The following SASH1 variants were observed in gnomAD, a reference collection of about 807,000 sequenced individuals.
SASH1 encodes SAM and SH3 domain containing 1, also known as SAM and SH3 domain-containing protein 1.
SASH1 carries 44 observed loss-of-function variants against 125.2 expected under a neutral mutation model. The ratio of observed to expected loss-of-function variants is 0.35; its 90% CI spans 0.28 to 0.45. The LOEUF (loss-of-function observed/expected upper bound fraction) is 0.45. Ranked by LOEUF, SASH1 falls within the 20% of genes least tolerant of loss-of-function variation. The pLI is 1.00. For missense variants in SASH1, 1,426 were observed against 1,614.5 expected, an observed-to-expected ratio of 0.88 and a Z score of 2.00; for synonymous variants, 639 against 649.1, an observed-to-expected ratio of 0.98 and a Z score of 0.24.
At position 148,534,897 on chromosome 6, in the gene SASH1, T is replaced by C. The variant is rs997862513; in HGVS notation, c.2091T>C (p.Tyr697=). The C allele has an allele frequency of 1.9e-6, 3 of 1,614,098 alleles. No individual in the cohort carries two copies. In the Admixed American group the frequency reaches 5.0e-5, roughly 27 times the overall value. The change falls in exon 16 of 20, where the codon TAT becomes TAC. Residue 697 remains tyrosine (Y), a synonymous_variant. Coordinates refer to ENST00000367467, the MANE Select transcript of SASH1 (RefSeq NM_015278.5). ...CAGCAGTGGAGCTGTTACAAGAGTATGACAGTAAGTCCCTGTATGCACAGA... is the reference window on the plus strand; with the variant it reads ...CAGCAGTGGAGCTGTTACAAGAGTACGACAGTAAGTCCCTGTATGCACAGA... ...LLTAVELLQE[Y]DSNSDQSGSQ...
At chr6:148,299,260 A>T (rs1779865788) in intron 1 of SASH1, among the ~76,000 whole-genome samples, 2 of 152,186 alleles carry the variant, frequency 1.3e-5, no homozygotes, top group African/African-American at 4.8e-5. Context: ...GTAGTAAAAT[A>T]GGGGAGCGGA....
At chr6:148,354,327 A>G (rs1781845375) in intron 1 of SASH1, among the ~76,000 whole-genome samples, 1 of 152,226 alleles carries the variant, frequency 6.6e-6, no homozygotes, top group Admixed American at 6.5e-5. Context: ...TTATGTGTCT[A>G]AGTGGCACAA....
the SASH1 span, among the ~76,000 whole-genome samples, chr6:148,225,829 T>G: frequency 6.6e-6 from 1 of 152,224 alleles, no homozygotes; most frequent in African/African-American, 2.4e-5. Context: ...TCTATAAATA[T>G]TCAGAAGCTT....
At chr6:148,381,617 CTTTTTTTTTT>C (rs201145545) in intron 1 of SASH1, among the ~76,000 whole-genome samples, 20 of 77,896 alleles carry the variant, frequency 2.6e-4, no homozygotes, top group South Asian at 1.2e-3. Context: ...TTCTTGCTTT[CTTTTTTTTTT>C]TTTTTTTTTT....
rs1034061446 is a variant in SASH1, at chr6:148,529,405, T to G, written c.1428+1809T>G. On this transcript the variant is annotated intron_variant, in intron 12 of 19. Coordinates refer to ENST00000367467, the MANE Select transcript of SASH1 (RefSeq NM_015278.5). The surrounding 1 kb of genome is among the most constrained non-coding windows in gnomAD (Gnocchi z 4.2). Reference sequence around the variant, plus strand: ...CAGCATGTCTTATCCATGATTTTTTTTCTTTATTCTTTTCATTCTCTTGTC... The same window carrying G: ...CAGCATGTCTTATCCATGATTTTTTGTCTTTATTCTTTTCATTCTCTTGTC... 1.3e-5 allele frequency among the ~76,000 whole-genome samples: 2 copies of G among 152,226 alleles called. No individual in the cohort carries two copies. Among genetic ancestry groups the G allele is most frequent in the Admixed American group, 6.5e-5 (1 of 15,282 alleles).
intron 4 of SASH1, among the ~76,000 whole-genome samples, chr6:148,442,868 G>T (rs1292318295): frequency 2.6e-5 from 4 of 151,920 alleles, no homozygotes; most frequent in Non-Finnish European, 4.4e-5. Context: ...CCACCTCTTG[G>T]GTTCAAGCTA....
chr6:148,250,584 A>C, the SASH1 span, among the ~76,000 whole-genome samples: 2 of 151,972 alleles, frequency 1.3e-5, no homozygotes, highest in Admixed American at 6.6e-5. Context: ...AAAAAAAAAA[A>C]AAAAACTGTA....
At chr6:148,224,103 G>T in the SASH1 span, among the ~76,000 whole-genome samples, 2 of 152,290 alleles carry the variant, frequency 1.3e-5, no homozygotes, top group Admixed American at 6.5e-5. Flanking sequence ...AGCCCAGCCT[G>T]AGCAACATGG....
chr6:148,322,020 C>G (rs1322577799), intron 1 of SASH1, among the ~76,000 whole-genome samples: 1 of 152,044 alleles, frequency 6.6e-6, no homozygotes, highest in Non-Finnish European at 1.5e-5. Flanking sequence ...CATTCATCTC[C>G]TCTGGAATCT....
intron 8 of SASH1, among the ~76,000 whole-genome samples, chr6:148,507,606 A>G (rs1229509039): frequency 1.3e-5 from 2 of 152,126 alleles, no homozygotes; most frequent in East Asian, 3.9e-4. Flanking sequence ...CCTGGCCTCA[A>G]GTGATCTGCC....
intron 2 of SASH1, among the ~76,000 whole-genome samples, chr6:148,428,351 G>A (rs1382142034): frequency 2.0e-5 from 3 of 152,146 alleles, no homozygotes; most frequent in East Asian, 1.9e-4. Context: ...CTATCAGGCC[G>A]GGTGCGGTGG....
Position 148,343,001 on chromosome 6 carries a change from TGC to T in SASH1, c.-61_-60del. On this transcript the variant is annotated 5_prime_UTR_variant, in exon 1 of 20. Coordinates refer to ENST00000367467, the MANE Select transcript of SASH1 (RefSeq NM_015278.5). ...GCGGGGACCCGGCATCCGGGCAGGCTGCGCGCGGGTGCGGGGCGAGGGCGCCG... is the reference window on the plus strand; with the variant it reads ...GCGGGGACCCGGCATCCGGGCAGGCTGCGCGGGTGCGGGGCGAGGGCGCCG... 1 of 1,092,010 alleles carries T rather than the reference TGC, an allele frequency of 9.2e-7. No individual in the cohort carries two copies. The highest frequency in any genetic ancestry group is 1.1e-6 in the Non-Finnish European group (1 of 899,586). 67.6% of individuals were successfully genotyped at this position (1,092,010 alleles called of 1,614,324 possible).
chr6:148,484,376 T>C (rs900783655), intron 7 of SASH1, among the ~76,000 whole-genome samples: 7 of 152,184 alleles, frequency 4.6e-5, no homozygotes, highest in African/African-American at 1.4e-4. Flanking sequence ...ATTTTATAAC[T>C]CCTGGAATTA....
rs927509942 is a variant in SASH1 at position 148,374,713 on chromosome 6, G to C, written c.157-15421G>C. Reference sequence around the variant, plus strand: ...TTTACAGCATTTTTTTTGGGGGGGGGGGAGATGGAGTCTCACTCTTGTCAC... The same window carrying C: ...TTTACAGCATTTTTTTTGGGGGGGGCGGAGATGGAGTCTCACTCTTGTCAC... On this transcript the variant is annotated intron_variant, in intron 1 of 19. Coordinates refer to ENST00000367467, the MANE Select transcript of SASH1 (RefSeq NM_015278.5). 1.7e-3 allele frequency among the ~76,000 whole-genome samples: 261 copies of C among 151,500 alleles called. 2 individuals are homozygous for C. Among genetic ancestry groups the C allele is most frequent in the Non-Finnish European group, 3.5e-4 (24 of 67,846 alleles).
At chr6:148,258,079 T>C in the SASH1 span, among the ~76,000 whole-genome samples, 1 of 152,152 alleles carries the variant, frequency 6.6e-6, no homozygotes, top group Non-Finnish European at 1.5e-5. Context: ...AGATGAGTAC[T>C]TGGCTTTCCC....
At chr6:148,348,293 C>G (rs917227323) in intron 1 of SASH1, among the ~76,000 whole-genome samples, 1 of 152,180 alleles carries the variant, frequency 6.6e-6, no homozygotes, top group African/African-American at 2.4e-5. Flanking sequence ...TGCGCCTGGC[C>G]GGCTTTGATA....
chr6:148,304,026 C>G (rs76123566), intron 1 of SASH1, among the ~76,000 whole-genome samples: 9,664 of 151,876 alleles, frequency 0.064, 536 homozygotes, highest in East Asian at 0.27. Context: ...AATCGGGGGC[C>G]GGGTGCGATG....
At chr6:148,311,385 A>G (rs953739688) in intron 1 of SASH1, among the ~76,000 whole-genome samples, 1 of 151,926 alleles carries the variant, frequency 6.6e-6, no homozygotes, top group African/African-American at 2.4e-5. Context: ...GATTACAGGC[A>G]TGAGCCACTG....
intron 1 of SASH1, chr6:148,278,609 T>TAA (rs1779252613): frequency 6.6e-6 from 1 of 152,116 alleles, no homozygotes; most frequent in Admixed American, 6.5e-5. Flanking sequence ...AAAAGTAGGT[T>TAA]AAATAGAACA....
Sources: allele counts gnomAD v4.1 joint callset (sites outside exome capture counted in the v4.1 genomes callset), GRCh38; gene constraint gnomAD v4.1.1; non-coding constraint Gnocchi (gnomAD v3.1); transcripts MANE v1.5; gene names NCBI Gene and HGNC (gene_info 2026-07-23, HGNC 2026-07-21).